PDE7A: variants seen among roughly 807,000 people sequenced by gnomAD.
PDE7A encodes phosphodiesterase 7A.
PDE7A carries 39 observed loss-of-function variants against 64.3 expected under a neutral mutation model. The observed-to-expected ratio is 0.61, with a 90% CI of 0.47 to 0.79. PDE7A has a LOEUF of 0.79. PDE7A is among the 30% of genes least tolerant of loss of function. The pLI, the probability that PDE7A is intolerant of heterozygous loss-of-function variation, is 0.00. For synonymous variants in PDE7A, 203 were observed against 206.8 expected (o/e 0.98, Z 0.16); for missense variants, 470 against 582.8 (o/e 0.81, Z 1.99).
chr8:65,821,899 T>A (rs991927000), intron 1 of PDE7A, among the ~76,000 whole-genome samples: 1 of 152,254 alleles, frequency 6.6e-6, no homozygotes, highest in Non-Finnish European at 1.5e-5. Flanking sequence ...CAACAAAATT[T>A]AAAATTACAC....
At chr8:65,745,278 T>C (rs538655112) in intron 5 of PDE7A, 129 bp downstream of exon 5, 3 of 677,624 alleles carry the variant, frequency 4.4e-6, no homozygotes, top group Admixed American at 5.5e-5. Context: ...GAAAATGGAC[T>C]AATACACTCT....
intron 1 of PDE7A, among the ~76,000 whole-genome samples, chr8:65,798,206 A>ATATATATATATATTTTTTT: frequency 1.8e-4 from 13 of 73,806 alleles, no homozygotes; most frequent in African/African-American, 4.1e-4. Flanking sequence ...ATATATATAT[A>ATATATATATATATTTTTTT]TTTTTTTTTT....
At chr8:65,838,054 A>G (rs540967005) in intron 1 of PDE7A, among the ~76,000 whole-genome samples, 2 of 152,316 alleles carry the variant, frequency 1.3e-5, no homozygotes, top group South Asian at 4.1e-4. Context: ...GACAAATGAT[A>G]ACTTAGCAAC....
intron 1 of PDE7A, among the ~76,000 whole-genome samples, chr8:65,840,535 C>A (rs771494521): frequency 2.0e-5 from 3 of 152,114 alleles, no homozygotes; most frequent in Admixed American, 6.5e-5. Flanking sequence ...TGATCATTAG[C>A]CATAACTTCT....
intron 5 of PDE7A, among the ~76,000 whole-genome samples, chr8:65,740,462 G>T (rs536405758): frequency 1.3e-5 from 2 of 152,098 alleles, no homozygotes; most frequent in Admixed American, 1.3e-4. Flanking sequence ...GTACAATGGT[G>T]CGATCTTGGC....
intron 2 of PDE7A, among the ~76,000 whole-genome samples, chr8:65,780,193 C>T (rs1172948573): frequency 6.6e-6 from 1 of 151,586 alleles, no homozygotes; most frequent in East Asian, 1.9e-4. Flanking sequence ...AAATCCTCAG[C>T]ACAAAACTTT....
intron 3 of PDE7A, among the ~76,000 whole-genome samples, chr8:65,754,568 C>A (rs1808126087): frequency 6.6e-6 from 1 of 151,062 alleles, no homozygotes; most frequent in South Asian, 2.1e-4. Context: ...GAACTCCTGA[C>A]CTTGTGATCC....
Position 65,719,246 on chromosome 8 carries a change from T to G in PDE7A, c.*44A>C. Reference sequence around the variant, plus strand: ...TCACCTCAAGACCCCATTTCACATTTCTAAAAACCTCCAGGAGGCAGTTTG... The same window carrying G: ...TCACCTCAAGACCCCATTTCACATTGCTAAAAACCTCCAGGAGGCAGTTTG... On this transcript the variant is annotated 3_prime_UTR_variant, in exon 13 of 13. Coordinates refer to ENST00000401827, the MANE Select transcript of PDE7A (RefSeq NM_001242318.3). 1 of 1,401,752 alleles carries G rather than the reference T, an allele frequency of 7.1e-7. No individual in the cohort carries two copies. The highest frequency in any genetic ancestry group is 1.0e-6 in the Non-Finnish European group (1 of 986,780). 86.8% of individuals were successfully genotyped at this position (1,401,752 alleles called of 1,614,324 possible). A position where few individuals can be genotyped will look rare whatever the true frequency, so the allele number is the denominator to read the frequency against.
intron 2 of PDE7A, among the ~76,000 whole-genome samples, chr8:65,780,427 T>C (rs1486200982): frequency 6.6e-6 from 1 of 152,224 alleles, no homozygotes; most frequent in Non-Finnish European, 1.5e-5. Flanking sequence ...CCAAGGCCTT[T>C]AGCTGAGTCT....
chr8:65,786,777 G>A (rs370300032), intron 1 of PDE7A, among the ~76,000 whole-genome samples: 2 of 152,124 alleles, frequency 1.3e-5, no homozygotes, highest in African/African-American at 2.4e-5. Flanking sequence ...GCTTCTACTC[G>A]TGACTTTTCT....
intron 10 of PDE7A, 77 bp downstream of exon 10, chr8:65,724,700 C>T: frequency 7.9e-7 from 1 of 1,266,418 alleles, no homozygotes. Flanking sequence ...TGAAAAACTA[C>T]ACTAGAATAT....
intron 3 of PDE7A, among the ~76,000 whole-genome samples, chr8:65,749,100 G>A (rs1807814594): frequency 6.6e-6 from 1 of 152,124 alleles, no homozygotes; most frequent in Non-Finnish European, 1.5e-5. Context: ...CCCCTATCTT[G>A]AAGAGGCGGG....
At chr8:65,760,882 G>A (rs1469734372) in intron 3 of PDE7A, among the ~76,000 whole-genome samples, 1 of 151,916 alleles carries the variant, frequency 6.6e-6, no homozygotes, top group Non-Finnish European at 1.5e-5. Context: ...ACTACAGAGA[G>A]GAAAGGATAT....
chr8:65,825,061 A>AT (rs1810637207), intron 1 of PDE7A, among the ~76,000 whole-genome samples: 1 of 152,258 alleles, frequency 6.6e-6, no homozygotes, highest in Admixed American at 6.5e-5. Flanking sequence ...TAGTAATTAC[A>AT]TTAGGAAATG....
chr8:65,771,128 A>G, intron 3 of PDE7A: 1 of 267,274 alleles, frequency 3.7e-6, no homozygotes, highest in Non-Finnish European at 7.5e-6. Flanking sequence ...TTCTTTTGTT[A>G]ATTTTGAGGC....
chr8:65,765,487 TCA>T (rs1808733490), intron 3 of PDE7A: 1 of 19,516 alleles, frequency 5.1e-5, no homozygotes, highest in Admixed American at 9.3e-4. Flanking sequence ...AGACTCCGTC[TCA>T]AAAAAAAAAA....
At position 65,771,979 on chromosome 8, in the gene PDE7A, C is replaced by T. The variant is rs578207041; in HGVS notation, c.283+7741G>A. ...AGTTAGGAGAATACCAGAACAACCT[C>T]AGACAGTGGTGATAAATGACTGGTT... On this transcript the variant is annotated intron_variant, in intron 3 of 12. Coordinates refer to ENST00000401827, the MANE Select transcript of PDE7A (RefSeq NM_001242318.3). Among the ~76,000 whole-genome samples the T allele has an allele frequency of 7.3e-5, 11 of 150,914 alleles. No individual in the cohort carries two copies. In the South Asian group the frequency reaches 2.3e-3, roughly 32 times the overall value.
At chr8:65,755,550 GTTA>G (rs1365281290) in intron 3 of PDE7A, among the ~76,000 whole-genome samples, 3 of 152,052 alleles carry the variant, frequency 2.0e-5, no homozygotes, top group Non-Finnish European at 4.4e-5. Context: ...CCTTCCTATT[GTTA>G]TTATCACAAG....
At chr8:65,736,811 A>G (rs1807157289) in intron 6 of PDE7A, among the ~76,000 whole-genome samples, 1 of 126,458 alleles carries the variant, frequency 7.9e-6, no homozygotes, top group African/African-American at 2.9e-5. Flanking sequence ...TTTTTTTGCC[A>G]GAGTTCTAAG....
Sources: allele counts gnomAD v4.1 joint callset (sites outside exome capture counted in the v4.1 genomes callset), GRCh38; gene constraint gnomAD v4.1.1; transcripts MANE v1.5; gene names NCBI Gene and HGNC (gene_info 2026-07-23, HGNC 2026-07-21).